The following ZNF646 variants were observed in gnomAD, a reference collection of about 807,000 sequenced individuals.
ZNF646 encodes zinc finger protein 646.
In ZNF646, 49 loss-of-function variants were observed where a neutral mutation model predicts 115.4. The observed-to-expected ratio is 0.42, with a 90% confidence interval of 0.34 to 0.54. The LOEUF (loss-of-function observed/expected upper bound fraction) is 0.54, where lower values mean the gene tolerates loss of function less well. Ranked by LOEUF, ZNF646 falls within the 20% of genes least tolerant of loss-of-function variation. The probability of loss-of-function intolerance (pLI) is 0.04; values close to 1 mark genes in which losing one functional copy is unlikely to be tolerated. For missense variants in ZNF646, 2,269 were observed against 2,457.9 expected (o/e 0.92, Z 1.62); for synonymous variants, 933 against 939.0 (o/e 0.99, Z 0.12).
chr16:31,082,898 C>A, intron 2 of ZNF646, 73 bp from the exon 3 acceptor site: 1 of 1,518,752 alleles, frequency 6.6e-7, no homozygotes, highest in Non-Finnish European at 8.8e-7. Context: ...GAATGGCCTG[C>A]AGGGCTGGGA....
rs375081335 is a variant in ZNF646 at position 31,076,614 on chromosome 16, A to G, written c.290A>G (p.His97Arg). ...GCTCTCAAGAGCCATATGAGGACAC[A>G]TGCTCCTGAGGGCCGCCGCAGGCAC... ...PMALKSHMRT[H>R]APEGRRRHRP... The change falls in exon 2 of 3, where the codon CAT becomes CGT. Residue 97 changes from histidine (H) to arginine (R), a missense_variant. Transcript: ENST00000300850. 19 of 1,612,922 alleles carry G rather than the reference A, an allele frequency of 1.2e-5. No individual in the cohort carries two copies. The highest frequency in any genetic ancestry group is 1.4e-5 in the Non-Finnish European group (17 of 1,179,788).
chr16:31,083,202 C>T lies in ZNF646; in HGVS notation c.*110C>T, dbSNP rs1439968843. The T allele has an allele frequency of 1.2e-5, 17 of 1,443,376 alleles. No individual in the cohort carries two copies. The highest frequency in any genetic ancestry group is 1.6e-5 in the Non-Finnish European group (17 of 1,083,898). 89.4% of individuals were successfully genotyped at this position (1,443,376 alleles called of 1,614,324 possible). A position where few individuals can be genotyped will look rare whatever the true frequency, so the allele number is the denominator to read the frequency against. ...CGGGCATCCCCATATCTTCTCCTCT[C>T]CCCTTGTGAAGAGGACCCAGATCTG... On this transcript the variant is annotated 3_prime_UTR_variant, in exon 3 of 3. Transcript: ENST00000300850.
rs2057192673 is a variant in ZNF646 at position 31,083,496 on chromosome 16, A to G, written c.*404A>G. 7.5e-7 allele frequency: 1 copy of G among 1,333,482 alleles called. No homozygotes were observed. The highest frequency in any genetic ancestry group is 9.6e-7 in the Non-Finnish European group (1 of 1,038,110). The allele number at this position is 1,333,482 out of a possible 1,614,324, so 82.6% of individuals were successfully genotyped here. The stretch of plus-strand genomic sequence containing the variant: ...AGGAAAACTGCTGCCCCCCAAAAAA[A>G]GAAATTTTCAAAACAACGTGGCTGG... On this transcript the variant is annotated 3_prime_UTR_variant, in exon 3 of 3. Transcript: ENST00000300850.
Position 31,083,297 on chromosome 16 carries a change from C to G in ZNF646, c.*205C>G. 1 of 968,028 alleles carries G rather than the reference C, an allele frequency of 1.0e-6. No individual in the cohort carries two copies. The highest frequency in any genetic ancestry group is 1.5e-6 in the Non-Finnish European group (1 of 682,374). The allele number at this position is 968,028 out of a possible 1,614,324, so 60.0% of individuals were successfully genotyped here. Reference sequence around the variant, plus strand: ...CCTTGAAGGACCTCCTTCCCCCAGCCTCATCACCGTGCTCTTCTCAGCGCC... The same window carrying G: ...CCTTGAAGGACCTCCTTCCCCCAGCGTCATCACCGTGCTCTTCTCAGCGCC... On this transcript the variant is annotated 3_prime_UTR_variant, in exon 3 of 3. Coordinates refer to ENST00000300850, the MANE Select transcript of ZNF646 (RefSeq NM_014699.4).
At chr16:31,074,711 C>T (rs1381968316) in intron 1 of ZNF646, 80 bp downstream of exon 1, 1 of 152,178 alleles carries the variant, frequency 6.6e-6, no homozygotes, top group Non-Finnish European at 1.5e-5. Context: ...GAGGGGGCCG[C>T]CGGTGCGAGG....
Position 31,084,089 on chromosome 16 carries a change from G to T in ZNF646, c.*997G>T, listed in dbSNP as rs1233525823. ...AGAGAGAAGGGTCCTGGAGAGGCAGGGTTTGGCAGGAGGCCCCGGGGCCAC... is the reference window on the plus strand; with the variant it reads ...AGAGAGAAGGGTCCTGGAGAGGCAGTGTTTGGCAGGAGGCCCCGGGGCCAC... On this transcript the variant is annotated 3_prime_UTR_variant, in exon 3 of 3. Transcript: ENST00000300850. 6.4e-7 allele frequency: 1 copy of T among 1,551,426 alleles called. No homozygotes were observed. The highest frequency in any genetic ancestry group is 1.9e-4 in the Middle Eastern group (1 of 5,318).
Position 31,081,364 on chromosome 16 carries a change from C to T in ZNF646, c.5040C>T (p.Thr1680=). 3 of 1,613,646 alleles carry T rather than the reference C, an allele frequency of 1.9e-6. No individual in the cohort carries two copies. The highest frequency in any genetic ancestry group is 1.7e-6 in the Non-Finnish European group (2 of 1,179,668). The change falls in exon 2 of 3, where the codon ACC becomes ACT. Residue 1680 remains threonine (T), a synonymous_variant. Transcript: ENST00000300850. ...ACAAGGAGCGGCCCTTCCGCTGCAC[C>T]CAGTGCGGGCGCTCCTACCGCCATG... ...AEDKERPFRC[T]QCGRSYRHAG...
At position 31,080,735 on chromosome 16, in the gene ZNF646, C is replaced by G; in HGVS notation, c.4411C>G (p.Leu1471Val). The change falls in exon 2 of 3, where the codon CTG becomes GTG. Residue 1471 changes from leucine (L) to valine (V), a missense_variant. By Grantham distance (32) the Leu-to-Val change is conservative. Transcript: ENST00000300850. ...KAGGWPVGGG[L>V]GNHSGGWVPQ... is the part of the protein sequence containing the mutation. ...AGGTGGGTGGCCGGTAGGTGGGGGA[C>G]TGGGGAATCATAGTGGAGGCTGGGT... 6.2e-7 allele frequency: 1 copy of G among 1,613,658 alleles called. No homozygotes were observed. Among genetic ancestry groups the G allele is most frequent in the East Asian group, 2.2e-5 (1 of 44,874 alleles).
At chr16:31,082,835 TAGG>T (rs775195951) in intron 2 of ZNF646, 133 bp from the exon 3 acceptor site, 37 of 1,179,236 alleles carry the variant, frequency 3.1e-5, no homozygotes, top group Non-Finnish European at 4.2e-5. Flanking sequence ...GGAAAATAAT[TAGG>T]AGGCCTAGAA....
Position 31,079,418 on chromosome 16 carries a change from T to G in ZNF646, c.3094T>G (p.Leu1032Val). ...GTCTCAAGAGGGAGCAGGCACCCCC[T>G]TGGGAGACAGCCTCTGCATCCAGGG... ...AKSQEGAGTP[L>V]GDSLCIQGGE... is the part of the protein sequence containing the mutation. Residue 1032 changes from leucine to valine, a missense_variant, in exon 2 of 3, where the codon TTG becomes GTG. Leu to Val is a conservative substitution (Grantham distance 32). Around this residue, in one of 5 missense-constraint regions of ZNF646, gnomAD observed 1,062 missense variants for 1,172.8 expected, o/e 0.91. Coordinates refer to ENST00000300850, the MANE Select transcript of ZNF646 (RefSeq NM_014699.4). This position sits in a 1 kb window ranked among gnomAD's most constrained non-coding sequence, Gnocchi z 5.5. The G allele has an allele frequency of 6.2e-7, 1 of 1,613,960 alleles. No homozygotes were observed. The highest frequency in any genetic ancestry group is 8.5e-7 in the Non-Finnish European group (1 of 1,179,982).
At position 31,076,359 on chromosome 16, in the gene ZNF646, A is replaced by T; in HGVS notation, c.35A>T (p.Asp12Val). 3 of 1,612,930 alleles carry T rather than the reference A, an allele frequency of 1.9e-6. No individual in the cohort carries two copies. Among genetic ancestry groups the T allele is most frequent in the Non-Finnish European group, 2.5e-6 (3 of 1,179,408 alleles). Reference protein sequence around the residue: ...EDTPPSLSCSDCQRHFPSLPE... With the variant: ...EDTPPSLSCSVCQRHFPSLPE... Reference sequence around the variant, plus strand: ...ACACCCCCCTCACTCAGCTGCTCCGACTGTCAGCGCCACTTTCCCAGCCTC... The same window carrying T: ...ACACCCCCCTCACTCAGCTGCTCCGTCTGTCAGCGCCACTTTCCCAGCCTC... Residue 12 changes from aspartate (D) to valine (V), a missense_variant, in exon 2 of 3, where the codon GAC becomes GTC. Physicochemically the swap from Asp to Val is radical, Grantham distance 152 (BLOSUM62 -3). This residue lies in a region of ZNF646 where 334 missense variants were observed against 323.5 expected (regional missense o/e 1.03). Coordinates refer to ENST00000300850, the MANE Select transcript of ZNF646 (RefSeq NM_014699.4).
In ZNF646 at chr16:31,083,576, A is replaced by G. The variant is rs1459070802; in HGVS notation, c.*484A>G. ...AGGAAAGCTGAGACGCCTGCTTGGT[A>G]GCAGAGTTGGGTGTGGGAGTGTCCA... On this transcript the variant is annotated 3_prime_UTR_variant, in exon 3 of 3. Coordinates refer to ENST00000300850, the MANE Select transcript of ZNF646 (RefSeq NM_014699.4). The G allele has an allele frequency of 1.4e-6, 2 of 1,440,812 alleles. No individual in the cohort carries two copies. The highest frequency in any genetic ancestry group is 1.8e-6 in the Non-Finnish European group (2 of 1,092,972). The allele number at this position is 1,440,812 out of a possible 1,614,324, so 89.3% of individuals were successfully genotyped here.
rs1719281387 is a variant in ZNF646 at position 31,077,432 on chromosome 16, G to C, written c.1108G>C (p.Glu370Gln). 2 of 1,613,100 alleles carry C rather than the reference G, an allele frequency of 1.2e-6. No individual in the cohort carries two copies. Among genetic ancestry groups the C allele is most frequent in the African/African-American group, 2.7e-5 (2 of 75,048 alleles). The change falls in exon 2 of 3, where the codon GAA becomes CAA. Residue 370 changes from glutamate to glutamine, a missense_variant. By Grantham distance (29) the Glu-to-Gln change is conservative. Coordinates refer to ENST00000300850, the MANE Select transcript of ZNF646 (RefSeq NM_014699.4). ...SGELEDSGLE[E>Q]YRPFRCGDCG... Reference sequence around the variant, plus strand: ...GGAGCTGGAGGACAGTGGCCTGGAGGAATACCGGCCTTTCCGCTGTGGGGA... The same window carrying C: ...GGAGCTGGAGGACAGTGGCCTGGAGCAATACCGGCCTTTCCGCTGTGGGGA...
chr16:31,080,990 C>T lies in ZNF646; in HGVS notation c.4666C>T (p.Arg1556Ter), dbSNP rs777697288. The T allele has an allele frequency of 5.6e-6, 9 of 1,613,968 alleles. No individual in the cohort carries two copies. Among genetic ancestry groups the T allele is most frequent in the East Asian group, 2.2e-5 (1 of 44,894 alleles). Residue 1556 changes from arginine to a stop codon, truncating the protein, a stop_gained, in exon 2 of 3, where the codon CGA becomes TGA. Transcript: ENST00000300850. LOFTEE classifies it high-confidence loss of function. Reference sequence around the variant, plus strand: ...GAACCACAACACCAACAAGACAGACCGACACTATTGCCTGCTCTGCTCCAA... The same window carrying T: ...GAACCACAACACCAACAAGACAGACTGACACTATTGCCTGCTCTGCTCCAA... Reference protein sequence around the residue: ...LLNHNTNKTDRHYCLLCSKEF... With the variant: ...LLNHNTNKTD
chr16:31,081,972 T>C (rs1002386082), intron 2 of ZNF646: 3 of 515,874 alleles, frequency 5.8e-6, no homozygotes, highest in Non-Finnish European at 1.0e-5. Context: ...TCCATTACAC[T>C]GTAGCCAGAA....
In ZNF646 at chr16:31,084,120, T is replaced by TA; in HGVS notation, c.*1029dup. 2 of 1,573,698 alleles carry TA rather than the reference T, an allele frequency of 1.3e-6. No individual in the cohort carries two copies. The highest frequency in any genetic ancestry group is 2.7e-5 in the African/African-American group (2 of 74,184). On this transcript the variant is annotated 3_prime_UTR_variant, in exon 3 of 3. Transcript: ENST00000300850. ...GCAGGAGGCCCCGGGGCCACATACT[T>TA]ATGTTGGCCAGGCAGCTTCCAGGCT...
Position 31,083,950 on chromosome 16 carries a change from C to T in ZNF646, c.*858C>T, listed in dbSNP as rs1029046527. ...ACTGAGGCTCAAAGCGGTTGAGCAGCCTGCTCCAAGTCACACGATGACAAA... is the reference window on the plus strand; with the variant it reads ...ACTGAGGCTCAAAGCGGTTGAGCAGTCTGCTCCAAGTCACACGATGACAAA... On this transcript the variant is annotated 3_prime_UTR_variant, in exon 3 of 3. Transcript: ENST00000300850. 1 of 1,519,200 alleles carries T rather than the reference C, an allele frequency of 6.6e-7. No homozygotes were observed. The highest frequency in any genetic ancestry group is 2.4e-5 in the East Asian group (1 of 41,288). 94.1% of individuals were successfully genotyped at this position (1,519,200 alleles called of 1,614,324 possible). A position where few individuals can be genotyped will look rare whatever the true frequency, so the allele number is the denominator to read the frequency against.
rs753490471 is a variant in ZNF646, at chr16:31,077,037, G to A, written c.713G>A (p.Arg238Gln). 5.0e-6 allele frequency: 8 copies of A among 1,613,796 alleles called. No individual in the cohort carries two copies. The East Asian group carries it at 6.7e-5, about 13-fold the overall frequency. ...TQSPPAEEER[R>Q]YKCSQCGKTY... ...TCCCCTCCTGCTGAGGAGGAGCGGC[G>A]GTACAAATGTAGTCAGTGTGGCAAG... The change falls in exon 2 of 3, where the codon CGG becomes CAG. Residue 238 changes from arginine (R) to glutamine (Q), a missense_variant. Physicochemically the swap from Arg to Gln is conservative, Grantham distance 43 (BLOSUM62 1). Transcript: ENST00000300850.
rs143026772 is a variant in ZNF646, at chr16:31,079,535, C to T, written c.3211C>T (p.Arg1071Cys). The T allele has an allele frequency of 1.1e-5, 17 of 1,613,440 alleles. No individual in the cohort carries two copies. Among genetic ancestry groups the T allele is most frequent in the East Asian group, 2.2e-5 (1 of 44,896 alleles). ...CCATGGGGGCAGCCTGGTGAACCAC[C>T]GCAAGATCCACCAGACTGGAGACTT... Reference protein sequence around the residue: ...YRHGGSLVNHRKIHQTGDFLC... With the variant: ...YRHGGSLVNHCKIHQTGDFLC... The change falls in exon 2 of 3, where the codon CGC becomes TGC. Residue 1071 changes from arginine to cysteine, a missense_variant. By Grantham distance (180) the Arg-to-Cys change is radical. Transcript: ENST00000300850. This position sits in a 1 kb window ranked among gnomAD's most constrained non-coding sequence, Gnocchi z 5.5.
Sources: allele counts gnomAD v4.1 joint callset, GRCh38; gene constraint gnomAD v4.1.1; regional missense constraint gnomAD v4.1.1; non-coding constraint Gnocchi (gnomAD v3.1); transcripts MANE v1.5; gene names NCBI Gene and HGNC (gene_info 2026-07-23, HGNC 2026-07-21).